Variants in GUCY2F observed in about 807,000 individuals in gnomAD.
GUCY2F encodes the protein guanylate cyclase 2F, retinal.
A neutral mutation model predicts 73.1 loss-of-function variants in GUCY2F; 61 were observed. The ratio of observed to expected loss-of-function variants is 0.83; its 90% CI spans 0.68 to 1.03. The LOEUF (loss-of-function observed/expected upper bound fraction) is 1.03. Ranked by LOEUF, GUCY2F falls within the 50% of genes least tolerant of loss-of-function variation. GUCY2F has a pLI of 0.00. For missense variants in GUCY2F, 912 were observed against 854.3 expected (o/e 1.07, Z -0.84); for synonymous variants, 331 against 307.8 (o/e 1.08, Z -0.79).
At chrX:109,404,525 A>T in intron 9 of GUCY2F, 41 bp from the exon 10 acceptor site, 1 of 1,006,227 alleles carries the variant, frequency 9.9e-7, no homozygotes, top group African/African-American at 1.9e-5. Flanking sequence ...AACTCATTTA[A>T]CTATTTTGTG....
intron 9 of GUCY2F, among the ~76,000 whole-genome samples, chrX:109,407,743 A>C (rs756747019): frequency 8.8e-6 from 1 of 113,577 alleles, no homozygotes; most frequent in South Asian, 3.6e-4. Flanking sequence ...CTGTGGCTTC[A>C]GAGGGCGGAA....
In GUCY2F at chrX:109,376,038, A is replaced by G. The variant is rs927135828; in HGVS notation, c.3239+41T>C. On this transcript the variant is annotated intron_variant, in intron 18 of 19. Transcript: ENST00000218006. ...GGTAGTGAAGAAAGTGTGGCAGAGT[A>G]TGGCATAGGAAGACTCCAATTAAAT... 2.6e-6 allele frequency: 3 copies of G among 1,152,603 alleles called. No individual in the cohort carries two copies. In the African/African-American group the frequency reaches 5.3e-5, roughly 20 times the overall value. 95.0% of individuals were successfully genotyped at this position (1,152,603 alleles called of 1,213,427 possible).
chrX:109,407,243 G>A (rs1235752933), intron 9 of GUCY2F, among the ~76,000 whole-genome samples: 3 of 112,234 alleles, frequency 2.7e-5, no homozygotes, highest in Non-Finnish European at 5.6e-5. Flanking sequence ...TTATGTTTTA[G>A]CAAAGACACT....
At chrX:109,469,999 C>A (rs1932542479) in intron 2 of GUCY2F, among the ~76,000 whole-genome samples, 1 of 112,031 alleles carries the variant, frequency 8.9e-6, no homozygotes, top group South Asian at 3.8e-4. Flanking sequence ...TGGTGTTGAA[C>A]TGGTCCAAGT....
intron 2 of GUCY2F, among the ~76,000 whole-genome samples, chrX:109,466,454 C>T (rs1319638627): frequency 1.8e-5 from 2 of 111,510 alleles, no homozygotes; most frequent in Non-Finnish European, 3.8e-5. Context: ...ACTTATGAAA[C>T]TATGTTGTTT....
chrX:109,446,411 T>A (rs1932011162), intron 6 of GUCY2F, among the ~76,000 whole-genome samples: 1 of 111,933 alleles, frequency 8.9e-6, no homozygotes, highest in Non-Finnish European at 1.9e-5. Context: ...AGCATGGTAC[T>A]GGTACCAAAA....
At position 109,393,025 on chromosome X, in the gene GUCY2F, T is replaced by C. The variant is rs1930607709; in HGVS notation, c.2455A>G (p.Asn819Asp). ...FKTFNKGKKT[N>D]IIDSMLRMLE... The stretch of plus-strand genomic sequence containing the variant: ...ATCCGAAGCATAGAATCAATAATAT[T>C]GGTCTTCTTCCCTTTATTAAAAGTT... The change falls in exon 13 of 20, where the codon AAT becomes GAT. Residue 819 changes from asparagine (N) to aspartate (D), a missense_variant. By Grantham distance (23) the Asn-to-Asp change is conservative (BLOSUM62 1). Coordinates refer to ENST00000218006, the MANE Select transcript of GUCY2F (RefSeq NM_001522.3). The C allele has an allele frequency of 3.6e-6, 4 of 1,114,793 alleles. No homozygotes were observed. The highest frequency in any genetic ancestry group is 4.9e-6 in the Non-Finnish European group (4 of 809,345). 91.9% of individuals were successfully genotyped at this position (1,114,793 alleles called of 1,213,427 possible).
chrX:109,426,428 G>A (rs1483482136), intron 8 of GUCY2F, among the ~76,000 whole-genome samples: 2 of 111,820 alleles, frequency 1.8e-5, no homozygotes, highest in Admixed American at 9.4e-5. Flanking sequence ...TTGGTCTGTC[G>A]CCCAGGCTGG....
At chrX:109,453,308 A>T (rs1376811429) in intron 4 of GUCY2F, among the ~76,000 whole-genome samples, 197 bp downstream of exon 4, 1 of 111,609 alleles carries the variant, frequency 9.0e-6, no homozygotes, top group Non-Finnish European at 1.9e-5. Flanking sequence ...GTGGATGGTT[A>T]TTCAAGGCTG....
At chrX:109,462,160 T>C (rs896080745) in intron 3 of GUCY2F, among the ~76,000 whole-genome samples, 4 of 112,614 alleles carry the variant, frequency 3.6e-5, no homozygotes, top group Non-Finnish European at 7.5e-5. Context: ...TGACAGTCAC[T>C]TTTTACATGT....
chrX:109,392,814 A>AT (rs538432683), intron 13 of GUCY2F, 78 bp downstream of exon 13: 3 of 652,455 alleles, frequency 4.6e-6, no homozygotes, highest in African/African-American at 4.5e-5. Flanking sequence ...TTGATGGGTA[A>AT]TTTTTTTCTT....
At chrX:109,376,984 C>G (rs1024317472) in intron 17 of GUCY2F, among the ~76,000 whole-genome samples, 3 of 112,131 alleles carry the variant, frequency 2.7e-5, no homozygotes, top group Non-Finnish European at 5.6e-5. Context: ...GTGTTTCCAA[C>G]TCATTAATCT....
intron 3 of GUCY2F, among the ~76,000 whole-genome samples, chrX:109,462,462 G>T (rs1932381467): frequency 8.9e-6 from 1 of 112,261 alleles, no homozygotes; most frequent in Admixed American, 9.4e-5. Flanking sequence ...CAAACTGAGG[G>T]GTACAAATGC....
intron 6 of GUCY2F, among the ~76,000 whole-genome samples, chrX:109,447,295 A>C (rs1397172993): frequency 9.0e-6 from 1 of 111,303 alleles, no homozygotes; most frequent in Non-Finnish European, 1.9e-5. Flanking sequence ...AAAGGATTAT[A>C]AATCATGCTG....
chrX:109,435,111 C>G (rs1323934349), intron 7 of GUCY2F, among the ~76,000 whole-genome samples: 2 of 111,377 alleles, frequency 1.8e-5, no homozygotes, highest in African/African-American at 6.6e-5. Flanking sequence ...GCAATGCGGG[C>G]TCTTTTTTGG....
Position 109,465,405 on chromosome X carries a change from C to G in GUCY2F, c.769G>C (p.Glu257Gln). The G allele has an allele frequency of 8.3e-7, 1 of 1,204,862 alleles. No individual in the cohort carries two copies. Among genetic ancestry groups the G allele is most frequent in the African/African-American group, 1.7e-5 (1 of 57,688 alleles). ...CATTCCAAGAGATGCATCTGAGTCT[C>G]TCCCCCAATCAAAGCTGAATGCATA... is the stretch of plus-strand genomic sequence containing the variant. ...MCMHSALIGG[E>Q]TQMHLLECAH... The change falls in exon 3 of 20, where the codon GAG becomes CAG. Residue 257 changes from glutamate (E) to glutamine (Q), a missense_variant. Glu to Gln is a conservative substitution (Grantham distance 29). Transcript: ENST00000218006.
intron 7 of GUCY2F, among the ~76,000 whole-genome samples, chrX:109,440,980 C>A (rs768467584): frequency 1.8e-5 from 2 of 112,003 alleles, no homozygotes; most frequent in South Asian, 7.5e-4. Context: ...CCAAACCCTG[C>A]CATGCACACG....
chrX:109,395,122 G>A (rs773604397), intron 12 of GUCY2F, among the ~76,000 whole-genome samples: 63 of 112,018 alleles, frequency 5.6e-4, no homozygotes, highest in African/African-American at 1.8e-3. Flanking sequence ...AGACACAGAA[G>A]AACACTAGAA....
At chrX:109,409,935 A>C (rs971551869) in intron 8 of GUCY2F, among the ~76,000 whole-genome samples, 5 of 111,294 alleles carry the variant, frequency 4.5e-5, no homozygotes, top group African/African-American at 1.3e-4. Flanking sequence ...GGACTAATAC[A>C]TTGATCCTAT....
Sources: allele counts gnomAD v4.1 joint callset (sites outside exome capture counted in the v4.1 genomes callset), GRCh38; gene constraint gnomAD v4.1.1; transcripts MANE v1.5; gene names NCBI Gene and HGNC (gene_info 2026-07-23, HGNC 2026-07-21).